Variants in PCDHGB4 observed in about 807,000 individuals in gnomAD.
PCDHGB4 encodes the protein protocadherin gamma-B4.
Under a neutral mutation model 60.5 loss-of-function variants are expected in PCDHGB4, and 38 were observed. The ratio of observed to expected loss-of-function variants is 0.63; its 90% CI spans 0.48 to 0.82. The LOEUF is 0.82. PCDHGB4 is among the 40% of genes least tolerant of loss of function. The pLI is 0.00. For missense variants in PCDHGB4, 1,109 were observed against 1,209.6 expected (o/e 0.92, Z 1.23); for synonymous variants, 456 against 509.7 (o/e 0.89, Z 1.42).
chr5:141,441,840 C>T (rs2098278154), intron 1 of PCDHGB4: 1 of 355,864 alleles, frequency 2.8e-6, no homozygotes, highest in Non-Finnish European at 5.5e-6. Flanking sequence ...GCTTCGCGCT[C>T]TTGGATATGG....
chr5:141,416,441 T>C (rs2096024396), intron 1 of PCDHGB4: 1 of 152,162 alleles, frequency 6.6e-6, no homozygotes, highest in Non-Finnish European at 1.5e-5. Flanking sequence ...TGAAAGTAAA[T>C]ATGGGTTGGG....
chr5:141,486,725 C>A lies in PCDHGB4; in HGVS notation c.2398-8082C>A. 1 of 1,614,182 alleles carries A rather than the reference C, an allele frequency of 6.2e-7. No individual in the cohort carries two copies. The highest frequency in any genetic ancestry group is 1.1e-5 in the South Asian group (1 of 91,076). On this transcript the variant is annotated intron_variant, in intron 1 of 3. Transcript: ENST00000519479. The surrounding 1 kb of genome is among the most constrained non-coding windows in gnomAD (Gnocchi z 5.0). ...TCTGAACCCCCAGACAGGAGCTGTT[C>A]ATGCTACTCGATCCTTTGACTATGA...
chr5:141,501,964 A>G (rs1374872785), intron 2 of PCDHGB4, among the ~76,000 whole-genome samples: 1 of 151,854 alleles, frequency 6.6e-6, no homozygotes, highest in East Asian at 1.9e-4. Flanking sequence ...TCATCCTCCT[A>G]ACCTCTGGCA....
intron 1 of PCDHGB4, among the ~76,000 whole-genome samples, chr5:141,439,243 T>C (rs2098101178): frequency 6.6e-6 from 1 of 151,962 alleles, no homozygotes; most frequent in Non-Finnish European, 1.5e-5. Flanking sequence ...CCTATACAAT[T>C]TCAGCTGAAG....
chr5:141,474,654 T>C (rs2099352669), intron 1 of PCDHGB4, among the ~76,000 whole-genome samples: 1 of 152,250 alleles, frequency 6.6e-6, no homozygotes, highest in African/African-American at 2.4e-5. Context: ...CTTACTTCTT[T>C]TCTACCTACC....
In PCDHGB4 at chr5:141,511,445, A is replaced by G; in HGVS notation, c.*272A>G. ...GGTAGTGGGGTTACTGTAGACACCA[A>G]GAACCATTTGCCACACCCCGTTTAG... On this transcript the variant is annotated 3_prime_UTR_variant, in exon 4 of 4. Coordinates refer to ENST00000519479, the MANE Select transcript of PCDHGB4 (RefSeq NM_003736.4). 4.5e-6 allele frequency: 3 copies of G among 659,774 alleles called. No individual in the cohort carries two copies. Among genetic ancestry groups the G allele is most frequent in the Non-Finnish European group, 4.9e-6 (2 of 412,228 alleles). 40.9% of individuals were successfully genotyped at this position (659,774 alleles called of 1,614,324 possible). A position where few individuals can be genotyped will look rare whatever the true frequency, so the allele number is the denominator to read the frequency against.
Position 141,429,458 on chromosome 5 carries a change from T to C in PCDHGB4, c.2397+39177T>C, listed in dbSNP as rs561407449. 1.6e-4 allele frequency among the ~76,000 whole-genome samples: 25 copies of C among 152,210 alleles called. 1 individual carries two copies. The South Asian group carries it at 4.6e-3, about 28-fold the overall frequency. ...TCAAACTCTTGGGCTACAGTAATCC[T>C]CCCACCTCAATCTCCAGAGTAGCTG... On this transcript the variant is annotated intron_variant, in intron 1 of 3. Transcript: ENST00000519479.
chr5:141,407,143 A>G (rs2154538062), intron 1 of PCDHGB4, among the ~76,000 whole-genome samples: 1 of 152,360 alleles, frequency 6.6e-6, no homozygotes, highest in East Asian at 1.9e-4. Flanking sequence ...AAGAAAAAAA[A>G]GCTGAAGTGT....
intron 1 of PCDHGB4, among the ~76,000 whole-genome samples, chr5:141,425,440 A>G (rs1438530374): frequency 2.0e-5 from 3 of 152,248 alleles, no homozygotes; most frequent in Non-Finnish European, 4.4e-5. Flanking sequence ...GAGGATAAAA[A>G]TAAAACACCA....
chr5:141,388,632 A>C lies in PCDHGB4; in HGVS notation c.748A>C (p.Ser250Arg). 1 of 1,613,958 alleles carries C rather than the reference A, an allele frequency of 6.2e-7. No individual in the cohort carries two copies. The highest frequency in any genetic ancestry group is 8.5e-7 in the Non-Finnish European group (1 of 1,179,882). The part of the protein sequence containing the change: ...PVFSQDVYRV[S>R]LSENVYPGTT... ...GTTCAGTCAAGACGTATACAGGGTG[A>C]GCCTTTCAGAAAACGTGTACCCGGG... The change falls in exon 1 of 4, where the codon AGC (serine) becomes CGC (arginine). Residue 250 changes from serine to arginine, a missense_variant. Transcript: ENST00000519479.
intron 1 of PCDHGB4, among the ~76,000 whole-genome samples, chr5:141,436,701 A>C (rs571525375): frequency 6.9e-4 from 105 of 152,332 alleles, no homozygotes; most frequent in Non-Finnish European, 9.4e-4. Context: ...ATGCCAGCAC[A>C]CTCGATGTTC....
chr5:141,490,128 C>T lies in PCDHGB4; in HGVS notation c.2398-4679C>T, dbSNP rs970815408. 1.2e-6 allele frequency: 2 copies of T among 1,614,254 alleles called. No homozygotes were observed. Among genetic ancestry groups the T allele is most frequent in the Non-Finnish European group, 8.5e-7 (1 of 1,180,042 alleles). ...CAGTGCGGAACCTCTTTGGCCTAGA[C>T]CCTAGCAGTGGGGCAATCCATGTGT... On this transcript the variant is annotated intron_variant, in intron 1 of 3. Transcript: ENST00000519479. The surrounding 1 kb of genome is among the most constrained non-coding windows in gnomAD (Gnocchi z 5.4).
Position 141,417,626 on chromosome 5 carries a change from T to C in PCDHGB4, c.2397+27345T>C, listed in dbSNP as rs1156653216. ...CCGTCGGCCAGTGCAGAGCAAGCGC[T>C]GACGCCGGGGATCCCTCAGCCTCTA... On this transcript the variant is annotated intron_variant, in intron 1 of 3. Coordinates refer to ENST00000519479, the MANE Select transcript of PCDHGB4 (RefSeq NM_003736.4). The C allele has an allele frequency of 4.4e-6, 3 of 689,458 alleles. No homozygotes were observed. In the African/African-American group the frequency reaches 5.4e-5, roughly 12 times the overall value. The allele number at this position is 689,458 out of a possible 1,614,324, so 42.7% of individuals were successfully genotyped here. A position where few individuals can be genotyped will look rare whatever the true frequency, so the allele number is the denominator to read the frequency against.
intron 1 of PCDHGB4, chr5:141,413,772 A>G: frequency 1.9e-6 from 3 of 1,613,226 alleles, no homozygotes; most frequent in Non-Finnish European, 2.5e-6. Context: ...CGGAGCTGGT[A>G]CTGGAGCACT....
rs754140602 is a variant in PCDHGB4 at position 141,410,043 on chromosome 5, C to G, written c.2397+19762C>G. Reference sequence around the variant, plus strand: ...TACCACGTGCTGCAGGCCAGTGAGCCCGGACTCTTCAGCCTGGGGCTGCGC... The same window carrying G: ...TACCACGTGCTGCAGGCCAGTGAGCGCGGACTCTTCAGCCTGGGGCTGCGC... On this transcript the variant is annotated intron_variant, in intron 1 of 3. Transcript: ENST00000519479. 13 of 1,613,080 alleles carry G rather than the reference C, an allele frequency of 8.1e-6. No homozygotes were observed. The South Asian group carries it at 1.2e-4, about 15-fold the overall frequency.
chr5:141,409,143 G>C (rs778597273), intron 1 of PCDHGB4: 2 of 1,613,986 alleles, frequency 1.2e-6, no homozygotes, highest in Admixed American at 3.3e-5. Context: ...GATGTAGAAA[G>C]GTACACCATG....
In PCDHGB4 at chr5:141,487,680, A is replaced by G; in HGVS notation, c.2398-7127A>G. On this transcript the variant is annotated intron_variant, in intron 1 of 3. Coordinates refer to ENST00000519479, the MANE Select transcript of PCDHGB4 (RefSeq NM_003736.4). This position sits in a 1 kb window ranked among gnomAD's most constrained non-coding sequence, Gnocchi z 5.0. ...TCTGATCCAGGCATATGGCTAGGCC[A>G]TGTCCTAGAGAGTACTGGCCTCTCA... 6.2e-7 allele frequency: 1 copy of G among 1,609,370 alleles called. No individual in the cohort carries two copies. The highest frequency in any genetic ancestry group is 2.2e-5 in the East Asian group (1 of 44,826).
At chr5:141,509,153 C>G (rs2099875485) in intron 3 of PCDHGB4, among the ~76,000 whole-genome samples, 2 of 152,190 alleles carry the variant, frequency 1.3e-5, no homozygotes, top group Non-Finnish European at 2.9e-5. Context: ...CGGCTCTCCC[C>G]TCCCGTGTGC....
chr5:141,483,811 C>A (rs1252197546), intron 1 of PCDHGB4, among the ~76,000 whole-genome samples: 1 of 152,102 alleles, frequency 6.6e-6, no homozygotes, highest in Non-Finnish European at 1.5e-5. Flanking sequence ...CTTTTTTTGG[C>A]AGCCAGTGTA....
Sources: allele counts gnomAD v4.1 joint callset (sites outside exome capture counted in the v4.1 genomes callset), GRCh38; gene constraint gnomAD v4.1.1; non-coding constraint Gnocchi (gnomAD v3.1); transcripts MANE v1.5; gene names NCBI Gene and HGNC (gene_info 2026-07-23, HGNC 2026-07-21).